LEF1: variants seen among roughly 807,000 people sequenced by gnomAD.
The protein encoded by LEF1 is lymphoid enhancer binding factor 1.
A neutral mutation model predicts 51.2 loss-of-function variants in LEF1; 14 were observed. That is an observed-to-expected ratio of 0.27 (90% CI 0.18 to 0.43). The LOEUF (loss-of-function observed/expected upper bound fraction) is 0.43, where lower values mean the gene tolerates loss of function less well. Among genes scored for constraint, LEF1 ranks in the 20% least tolerant of loss-of-function variants. The pLI, the probability that LEF1 is intolerant of heterozygous loss-of-function variation, is 1.00. For missense variants in LEF1, 386 were observed against 512.0 expected, an observed-to-expected ratio of 0.75 and a Z score of 2.37; for synonymous variants, 185 against 183.2, an observed-to-expected ratio of 1.01 and a Z score of -0.08.
intron 3 of LEF1, among the ~76,000 whole-genome samples, chr4:108,111,250 T>C (rs1484657342): frequency 6.6e-6 from 1 of 152,218 alleles, no homozygotes; most frequent in African/African-American, 2.4e-5. Context: ...TCCCACTGGC[T>C]TTTTTCCTGA....
chr4:108,110,133 C>T (rs1269532247), intron 3 of LEF1, among the ~76,000 whole-genome samples: 2 of 152,180 alleles, frequency 1.3e-5, no homozygotes, highest in South Asian at 2.1e-4. Flanking sequence ...TGGCAGGTGG[C>T]ATTGTTGGCA....
At chr4:108,082,120 C>T (rs557719121) in intron 5 of LEF1, among the ~76,000 whole-genome samples, 2 of 152,254 alleles carry the variant, frequency 1.3e-5, no homozygotes, top group African/African-American at 4.8e-5. Flanking sequence ...TAAAAATAAA[C>T]ATTTTAAAAA....
chr4:108,064,634 GTC>G (rs141681529), intron 9 of LEF1, among the ~76,000 whole-genome samples: 54 of 143,580 alleles, frequency 3.8e-4, no homozygotes, highest in Non-Finnish European at 3.8e-4. Context: ...TAGACACTTT[GTC>G]TCTCTCTCTC....
chr4:108,129,342 T>C (rs1324657057), intron 3 of LEF1, among the ~76,000 whole-genome samples: 1 of 152,234 alleles, frequency 6.6e-6, no homozygotes, highest in East Asian at 1.9e-4. Flanking sequence ...ATTAGAATGC[T>C]TTCTTTACCT....
At position 108,167,943 on chromosome 4, in the gene LEF1, C is replaced by A. The variant is rs4504331; in HGVS notation, c.-176G>T. On this transcript the variant is annotated 5_prime_UTR_variant, in exon 1 of 12. Coordinates refer to ENST00000265165, the MANE Select transcript of LEF1 (RefSeq NM_016269.5). The surrounding 1 kb of genome is among the most constrained non-coding windows in gnomAD (Gnocchi z 5.7). The stretch of plus-strand genomic sequence containing the variant: ...GGCCGCCGGCCGGCAGCCGGAGCAG[C>A]TGCCGCGGCGCCCGAATCCCGGCGG... 2.7e-6 allele frequency: 1 copy of A among 368,496 alleles called. No individual in the cohort carries two copies. The highest frequency in any genetic ancestry group is 4.7e-6 in the Non-Finnish European group (1 of 214,638). 22.8% of individuals were successfully genotyped at this position (368,496 alleles called of 1,614,324 possible). A position where few individuals can be genotyped will look rare whatever the true frequency, so the allele number is the denominator to read the frequency against.
At chr4:108,067,728 C>T (rs1301429046) in intron 9 of LEF1, among the ~76,000 whole-genome samples, 2 of 151,872 alleles carry the variant, frequency 1.3e-5, no homozygotes, top group African/African-American at 4.8e-5. Context: ...CAGGATTTCA[C>T]CATGTTGGTC....
chr4:108,048,792 C>T, intron 11 of LEF1, 41 bp from the exon 12 acceptor site: 1 of 1,449,120 alleles, frequency 6.9e-7, no homozygotes, highest in South Asian at 1.2e-5. Context: ...TATGAATTTG[C>T]CGTAGGCCTT....
chr4:108,070,485 A>G (rs1738399005), intron 9 of LEF1, 178 bp downstream of exon 9: 1 of 422,850 alleles, frequency 2.4e-6, no homozygotes, highest in South Asian at 9.2e-5. Context: ...CAAAAAAAAA[A>G]AGATAGCTCG....
chr4:108,103,318 T>G (rs890206414), intron 3 of LEF1, among the ~76,000 whole-genome samples: 1 of 152,238 alleles, frequency 6.6e-6, no homozygotes. Flanking sequence ...ACAAGCCTTG[T>G]GATTCCCAGG....
intron 3 of LEF1, among the ~76,000 whole-genome samples, chr4:108,120,343 T>G (rs1742098143): frequency 6.6e-6 from 1 of 152,194 alleles, no homozygotes; most frequent in Non-Finnish European, 1.5e-5. Flanking sequence ...CATTTTATGT[T>G]TTTGAAAACC....
At chr4:108,130,251 T>G (rs1742788874) in intron 3 of LEF1, among the ~76,000 whole-genome samples, 1 of 152,306 alleles carries the variant, frequency 6.6e-6, no homozygotes. Flanking sequence ...TATTTAAGAC[T>G]GCTTATATGA....
chr4:108,108,456 G>A lies in LEF1; in HGVS notation c.415-19199C>T, dbSNP rs192287722. On this transcript the variant is annotated intron_variant, in intron 3 of 11. Coordinates refer to ENST00000265165, the MANE Select transcript of LEF1 (RefSeq NM_016269.5). ...ATGCAGCGCTAATAATATTTTTCTG[G>A]ACTTGATTTTTCCTATCCAACCTAA... is the stretch of plus-strand genomic sequence containing the variant. Among the ~76,000 whole-genome samples, 14 of 152,098 alleles carry A rather than the reference G, an allele frequency of 9.2e-5. 1 individual carries two copies. The highest frequency in any genetic ancestry group is 4.6e-4 in the Admixed American group (7 of 15,268).
intron 10 of LEF1, 146 bp from the exon 11 acceptor site, chr4:108,063,809 A>G: frequency 1.8e-6 from 1 of 567,834 alleles, no homozygotes; most frequent in East Asian, 3.2e-5. Flanking sequence ...CAGTACAAGT[A>G]GTGGCCTTAT....
chr4:108,121,873 A>G (rs1222403004), intron 3 of LEF1, among the ~76,000 whole-genome samples: 1 of 152,190 alleles, frequency 6.6e-6, no homozygotes, highest in Non-Finnish European at 1.5e-5. Context: ...TTGATATGTA[A>G]ACTTTTTATT....
At chr4:108,102,745 AGT>A (rs1301340441) in intron 3 of LEF1, among the ~76,000 whole-genome samples, 1 of 152,220 alleles carries the variant, frequency 6.6e-6, no homozygotes, top group Non-Finnish European at 1.5e-5. Flanking sequence ...CTAAGTCTCC[AGT>A]AAGTACTTTA....
chr4:108,152,242 G>A (rs868427958), intron 3 of LEF1, among the ~76,000 whole-genome samples: 4 of 152,218 alleles, frequency 2.6e-5, no homozygotes, highest in Non-Finnish European at 5.9e-5. Flanking sequence ...GCATTTCAGC[G>A]AGAGCAAGCT....
At chr4:108,138,508 C>T (rs930518438) in intron 3 of LEF1, among the ~76,000 whole-genome samples, 3 of 147,762 alleles carry the variant, frequency 2.0e-5, no homozygotes, top group Non-Finnish European at 4.5e-5. Context: ...TGTGTGTATA[C>T]ACACACACAC....
At chr4:108,142,966 T>C (rs1743766872) in intron 3 of LEF1, among the ~76,000 whole-genome samples, 1 of 152,204 alleles carries the variant, frequency 6.6e-6, no homozygotes, top group Non-Finnish European at 1.5e-5. Flanking sequence ...CTTTAACTTT[T>C]CCAAGTCTAC....
chr4:108,089,228 G>A lies in LEF1; in HGVS notation c.444C>T (p.Ser148=). The A allele has an allele frequency of 6.2e-7, 1 of 1,614,016 alleles. No individual in the cohort carries two copies. The highest frequency in any genetic ancestry group is 8.5e-7 in the Non-Finnish European group (1 of 1,179,950). ...GGGGGGTGAGAGGATGGACCGCATG[G>A]GATGGCTGCACCACGGGCACTTTAT... ...TSNKVPVVQP[S]HAVHPLTPLI... is the part of the protein sequence containing the mutation. The change falls in exon 4 of 12, where the codon TCC becomes TCT. Residue 148 remains serine (S), a synonymous_variant. Transcript: ENST00000265165.
Sources: gnomAD v4.1 joint callset for allele counts (sites outside exome capture counted in the v4.1 genomes callset) on GRCh38, gnomAD v4.1.1 for gene constraint, Gnocchi (gnomAD v3.1) non-coding constraint, MANE v1.5 for transcripts, NCBI Gene and HGNC (gene_info 2026-07-23, HGNC 2026-07-21) for gene names.